SEMA5A: variants seen among roughly 807,000 people sequenced by gnomAD.
SEMA5A encodes the protein semaphorin-5A.
Under a neutral mutation model 135.5 loss-of-function variants are expected in SEMA5A, and 55 were observed. That is an observed-to-expected ratio of 0.41 (90% CI 0.33 to 0.51). The LOEUF (loss-of-function observed/expected upper bound fraction) is 0.51. Ranked by LOEUF, SEMA5A falls within the 20% of genes least tolerant of loss-of-function variation. The pLI is 0.37. For missense variants in SEMA5A, 1,290 were observed against 1,419.9 expected, an observed-to-expected ratio of 0.91 and a Z score of 1.47; for synonymous variants, 580 against 546.5, an observed-to-expected ratio of 1.06 and a Z score of -0.85.
At chr5:9,508,988 C>A (rs1015576682) in intron 1 of SEMA5A, among the ~76,000 whole-genome samples, 16 of 152,202 alleles carry the variant, frequency 1.1e-4, no homozygotes, top group Admixed American at 2.0e-4. Flanking sequence ...GTGAAAATGG[C>A]AGGCATGATA....
chr5:9,043,340 A>T (rs2150024770), intron 22 of SEMA5A: 1 of 239,548 alleles, frequency 4.2e-6, no homozygotes, highest in East Asian at 1.1e-4. Flanking sequence ...AAATTAACAG[A>T]CACTTTGACT....
At chr5:9,369,918 C>T (rs1755067496) in intron 3 of SEMA5A, among the ~76,000 whole-genome samples, 1 of 152,112 alleles carries the variant, frequency 6.6e-6, no homozygotes, top group Non-Finnish European at 1.5e-5. Context: ...TATTTTTCCT[C>T]AACCCTTATC....
At chr5:9,069,490 G>A (rs1272130111) in intron 16 of SEMA5A, among the ~76,000 whole-genome samples, 1 of 152,138 alleles carries the variant, frequency 6.6e-6, no homozygotes, top group Non-Finnish European at 1.5e-5. Flanking sequence ...AGCAACTTGT[G>A]TGTCCATGCC....
intron 2 of SEMA5A, among the ~76,000 whole-genome samples, chr5:9,401,571 A>C (rs1203883300): frequency 6.6e-6 from 1 of 152,194 alleles, no homozygotes; most frequent in Non-Finnish European, 1.5e-5. Context: ...AAAGCACAGG[A>C]ATATAATGTG....
chr5:9,457,900 C>CTT (rs70943966), intron 1 of SEMA5A, among the ~76,000 whole-genome samples: 1,327 of 70,222 alleles, frequency 0.019, 36 homozygotes, highest in Non-Finnish European at 0.024. Context: ...AGCATCTCTC[C>CTT]TTTTTTTTTT....
chr5:9,405,053 G>C (rs1000685213), intron 2 of SEMA5A, among the ~76,000 whole-genome samples: 1 of 152,148 alleles, frequency 6.6e-6, no homozygotes, highest in Non-Finnish European at 1.5e-5. Context: ...TGTTAAGCAA[G>C]ATATTCATTA....
intron 1 of SEMA5A, among the ~76,000 whole-genome samples, chr5:9,440,387 C>A (rs1374618785): frequency 1.3e-5 from 2 of 152,194 alleles, no homozygotes; most frequent in African/African-American, 4.8e-5. Flanking sequence ...TAATAAGAAA[C>A]TGCTTATTTT....
intron 1 of SEMA5A, among the ~76,000 whole-genome samples, chr5:9,521,895 C>T (rs1736853617): frequency 6.6e-6 from 1 of 152,162 alleles, no homozygotes; most frequent in South Asian, 2.1e-4. Flanking sequence ...GAGAGGACAG[C>T]ACCTGCTCAG....
intron 2 of SEMA5A, among the ~76,000 whole-genome samples, chr5:9,437,389 C>T (rs576945554): frequency 3.6e-4 from 54 of 151,966 alleles, no homozygotes; most frequent in Non-Finnish European, 6.3e-4. Context: ...TGAAGTCTTG[C>T]TCTGTTGCCC....
intron 12 of SEMA5A, among the ~76,000 whole-genome samples, chr5:9,146,463 T>C (rs1464474364): frequency 6.6e-6 from 1 of 152,212 alleles, no homozygotes; most frequent in Non-Finnish European, 1.5e-5. Context: ...TAAGTGGTGA[T>C]TAATTCCCTT....
chr5:9,310,188 C>T (rs184745487), intron 5 of SEMA5A, among the ~76,000 whole-genome samples: 2 of 151,964 alleles, frequency 1.3e-5, no homozygotes, highest in Admixed American at 6.6e-5. Flanking sequence ...CTTGGTAGGC[C>T]AGGCAGTCTC....
chr5:9,303,587 G>C (rs1229400668), intron 5 of SEMA5A, among the ~76,000 whole-genome samples: 2 of 151,932 alleles, frequency 1.3e-5, no homozygotes, highest in Non-Finnish European at 2.9e-5. Flanking sequence ...AAAATAGCTG[G>C]AAGAGAGACT....
intron 11 of SEMA5A, 56 bp from the exon 12 acceptor site, chr5:9,154,751 C>T: frequency 6.8e-7 from 1 of 1,463,976 alleles, no homozygotes; most frequent in South Asian, 1.2e-5. Context: ...ACAAACCAAT[C>T]CCTGGTTAAA....
chr5:9,511,564 T>C (rs773146453), intron 1 of SEMA5A, among the ~76,000 whole-genome samples: 7 of 152,216 alleles, frequency 4.6e-5, no homozygotes, highest in Non-Finnish European at 1.0e-4. Flanking sequence ...AAGACCTCTG[T>C]AACCTGAAAT....
intron 8 of SEMA5A, 125 bp downstream of exon 8, chr5:9,224,549 C>G: frequency 1.2e-6 from 1 of 836,300 alleles, no homozygotes; most frequent in Non-Finnish European, 1.9e-6. Context: ...ACAAGCGACA[C>G]TTTGATTTCT....
chr5:9,436,407 CT>C (rs1758033021), intron 2 of SEMA5A, among the ~76,000 whole-genome samples: 1 of 152,172 alleles, frequency 6.6e-6, no homozygotes, highest in African/African-American at 2.4e-5. Context: ...AAATGCAGAC[CT>C]CCGTTTCTTC....
chr5:9,327,849 G>A (rs1461215682), intron 4 of SEMA5A, among the ~76,000 whole-genome samples: 1 of 151,896 alleles, frequency 6.6e-6, no homozygotes, highest in Non-Finnish European at 1.5e-5. Flanking sequence ...TGCCTTTGTG[G>A]GTCCTCTGGG....
intron 4 of SEMA5A, among the ~76,000 whole-genome samples, chr5:9,331,394 T>C (rs1186888758): frequency 1.3e-5 from 2 of 152,204 alleles, no homozygotes; most frequent in African/African-American, 4.8e-5. Flanking sequence ...TAAGAATATA[T>C]GCTATGTTAA....
At chr5:9,308,587 T>C (rs1751980494) in intron 5 of SEMA5A, among the ~76,000 whole-genome samples, 1 of 152,154 alleles carries the variant, frequency 6.6e-6, no homozygotes, top group South Asian at 2.1e-4. Context: ...GTACCAAACC[T>C]AAAACCCATA....
Sources: gnomAD v4.1 joint callset for allele counts (sites outside exome capture counted in the v4.1 genomes callset) on GRCh38, gnomAD v4.1.1 for gene constraint, MANE v1.5 for transcripts, NCBI Gene and HGNC (gene_info 2026-07-23, HGNC 2026-07-21) for gene names.